Variants in TCEA1 observed in about 807,000 individuals in gnomAD.
TCEA1 encodes the protein transcription elongation factor A protein 1.
A neutral mutation model predicts 43.8 loss-of-function variants in TCEA1; 21 were observed. The observed-to-expected ratio is 0.48, with a 90% CI of 0.34 to 0.69. The LOEUF is 0.69. Among genes scored for constraint, TCEA1 ranks in the 30% least tolerant of loss-of-function variants. The pLI, the probability that TCEA1 is intolerant of heterozygous loss-of-function variation, is 0.01. For missense variants in TCEA1, 250 were observed against 365.1 expected (o/e 0.68, Z 2.57); for synonymous variants, 104 against 117.5 (o/e 0.88, Z 0.75).
intron 1 of TCEA1, among the ~76,000 whole-genome samples, chr8:54,018,506 T>C (rs938573806): frequency 6.6e-6 from 1 of 152,228 alleles, no homozygotes; most frequent in East Asian, 1.9e-4. Flanking sequence ...AGAAACATTT[T>C]AGTGATGACA....
intron 2 of TCEA1, among the ~76,000 whole-genome samples, chr8:54,003,566 A>G (rs892008476): frequency 6.6e-6 from 1 of 152,236 alleles, no homozygotes; most frequent in Non-Finnish European, 1.5e-5. Context: ...CTGATTTTAG[A>G]TAAGGATATC....
intron 2 of TCEA1, among the ~76,000 whole-genome samples, chr8:54,007,922 C>G (rs1030825211): frequency 6.6e-6 from 1 of 152,018 alleles, no homozygotes. Context: ...ACACTCATGC[C>G]TGTAATCCCA....
chr8:54,007,754 A>G (rs1468402014), intron 2 of TCEA1, among the ~76,000 whole-genome samples: 1 of 152,250 alleles, frequency 6.6e-6, no homozygotes, highest in Admixed American at 6.5e-5. Context: ...CTGAATTAAT[A>G]TAATAGAAAT....
At chr8:53,969,472 C>T (rs1416189220) in intron 9 of TCEA1, among the ~76,000 whole-genome samples, 7 of 151,530 alleles carry the variant, frequency 4.6e-5, no homozygotes, top group Non-Finnish European at 1.0e-4. Flanking sequence ...GAGCATTAAA[C>T]TGAAAAGTCT....
chr8:53,981,927 C>CT (rs35034211), intron 7 of TCEA1, among the ~76,000 whole-genome samples: 4,999 of 128,148 alleles, frequency 0.039, 145 homozygotes, highest in Non-Finnish European at 0.06. Context: ...GCTAAGTTTT[C>CT]TTTTTTTTTT....
intron 2 of TCEA1, among the ~76,000 whole-genome samples, chr8:54,007,412 C>A (rs1804506252): frequency 6.6e-6 from 1 of 152,042 alleles, no homozygotes; most frequent in African/African-American, 2.4e-5. Context: ...AACTGCTGGG[C>A]TCAAGCAATC....
chr8:53,985,307 G>A (rs1027406855), intron 6 of TCEA1, among the ~76,000 whole-genome samples: 5 of 152,130 alleles, frequency 3.3e-5, no homozygotes, highest in Admixed American at 1.3e-4. Flanking sequence ...GTGAGCCACC[G>A]CGCCCGGCCT....
intron 1 of TCEA1, among the ~76,000 whole-genome samples, chr8:54,011,720 C>G (rs1162888992): frequency 6.6e-6 from 1 of 152,194 alleles, no homozygotes; most frequent in African/African-American, 2.4e-5. Context: ...CATAGTATCA[C>G]TTTATTTCTT....
chr8:54,021,195 AAT>A (rs1563526685), intron 1 of TCEA1, among the ~76,000 whole-genome samples: 1 of 152,178 alleles, frequency 6.6e-6, no homozygotes, highest in Non-Finnish European at 1.5e-5. Flanking sequence ...GTCTCGAAAA[AAT>A]ATGTTTAGCT....
rs1426216980 is a variant in TCEA1, at chr8:53,991,995, G to A, written c.320+1673C>T. ...AATATTGAGAAACAAAGTTAAAATC[G>A]GTAGTTGCCTTAATGTCCTAAATAC... On this transcript the variant is annotated intron_variant, in intron 4 of 9. Transcript: ENST00000521604. Among the ~76,000 whole-genome samples the A allele has an allele frequency of 3.9e-5, 6 of 152,060 alleles. 1 individual carries two copies. In the South Asian group the frequency reaches 1.0e-3, roughly 26 times the overall value.
chr8:54,012,962 C>CAAAAAAA (rs72062714), intron 1 of TCEA1, among the ~76,000 whole-genome samples: 7 of 76,964 alleles, frequency 9.1e-5, no homozygotes, highest in African/African-American at 1.7e-4. Context: ...ACGACGACGA[C>CAAAAAAA]AAAAAAAAAA....
At chr8:54,020,545 A>G (rs918182393) in intron 1 of TCEA1, among the ~76,000 whole-genome samples, 1 of 152,218 alleles carries the variant, frequency 6.6e-6, no homozygotes, top group Non-Finnish European at 1.5e-5. Flanking sequence ...CTAATTCCTG[A>G]TCTAGCTGTC....
At chr8:53,998,147 T>A (rs1436161821) in intron 3 of TCEA1, among the ~76,000 whole-genome samples, 1 of 152,202 alleles carries the variant, frequency 6.6e-6, no homozygotes, top group Non-Finnish European at 1.5e-5. Context: ...TACATGAATG[T>A]ATATGTAAGA....
chr8:53,999,797 C>A (rs1804195032), intron 3 of TCEA1, 148 bp downstream of exon 3: 1 of 604,614 alleles, frequency 1.7e-6, no homozygotes, highest in Non-Finnish European at 2.9e-6. Context: ...AAATTAACTC[C>A]CCTCGCCTTT....
At chr8:53,988,080 C>T (rs1360736482) in intron 5 of TCEA1, 34 bp downstream of exon 5, 1 of 1,600,696 alleles carries the variant, frequency 6.2e-7, no homozygotes, top group Non-Finnish European at 8.5e-7. Context: ...GGGTGGTGAC[C>T]AAAGGACTGA....
At chr8:53,970,258 C>A (rs767956521) in intron 9 of TCEA1, 134 bp downstream of exon 9, 2 of 743,252 alleles carry the variant, frequency 2.7e-6, no homozygotes, top group African/African-American at 1.7e-5. Context: ...TACAAGTAGT[C>A]AGGGAGTACA....
At chr8:54,010,803 GT>G (rs1324482584) in intron 1 of TCEA1, among the ~76,000 whole-genome samples, 2 of 151,070 alleles carry the variant, frequency 1.3e-5, no homozygotes, top group Non-Finnish European at 2.9e-5. Flanking sequence ...ATGATACAGT[GT>G]TTTATTATAA....
At chr8:54,012,293 G>C (rs1804676053) in intron 1 of TCEA1, among the ~76,000 whole-genome samples, 1 of 152,216 alleles carries the variant, frequency 6.6e-6, no homozygotes. Context: ...CGGGCGCAGT[G>C]GCTCACACCT....
chr8:54,013,690 AAAAAAAAAAAAAC>A lies in TCEA1; in HGVS notation c.64-3211_64-3199del, dbSNP rs1225688764. ...AGCAAAACTCCATCTCAAAAAAAAA[AAAAAAAAAAAAAC>A]AAAAAACAGACAAACAAAAAGAAAT... On this transcript the variant is annotated intron_variant, in intron 1 of 9. Coordinates refer to ENST00000521604, the MANE Select transcript of TCEA1 (RefSeq NM_006756.4). Among the ~76,000 whole-genome samples, 920 of 149,740 alleles carry A rather than the reference AAAAAAAAAAAAAC, an allele frequency of 6.1e-3. 17 individuals are homozygous for A. The highest frequency in any genetic ancestry group is 0.018 in the African/African-American group (729 of 39,926).
Sources: gnomAD v4.1 joint callset for allele counts (sites outside exome capture counted in the v4.1 genomes callset) on GRCh38, gnomAD v4.1.1 for gene constraint, MANE v1.5 for transcripts, NCBI Gene and HGNC (gene_info 2026-07-23, HGNC 2026-07-21) for gene names.